ARHGAP6: variants seen among roughly 807,000 people sequenced by gnomAD.
ARHGAP6 encodes the protein rho GTPase-activating protein 6.
ARHGAP6 carries 16 observed loss-of-function variants against 55.7 expected under a neutral mutation model. The ratio of observed to expected loss-of-function variants is 0.29; its 90% CI spans 0.19 to 0.44. The LOEUF (loss-of-function observed/expected upper bound fraction) is 0.44, where lower values mean the gene tolerates loss of function less well. Among genes scored for constraint, ARHGAP6 ranks in the 20% least tolerant of loss-of-function variants. The probability of loss-of-function intolerance (pLI) is 1.00; values close to 1 mark genes in which losing one functional copy is unlikely to be tolerated. For missense variants in ARHGAP6, 698 were observed against 808.9 expected (o/e 0.86, Z 1.66); for synonymous variants, 382 against 360.9 (o/e 1.06, Z -0.66).
intron 1 of ARHGAP6, among the ~76,000 whole-genome samples, chrX:11,319,781 C>T (rs1196547340): frequency 8.9e-6 from 1 of 112,281 alleles, no homozygotes; most frequent in African/African-American, 3.2e-5. Context: ...TTGGTTTTCA[C>T]TGCCTTTGGC....
intron 1 of ARHGAP6, among the ~76,000 whole-genome samples, chrX:11,413,277 C>T (rs1369956296): frequency 2.7e-5 from 3 of 112,242 alleles, no homozygotes; most frequent in African/African-American, 9.7e-5. Context: ...TTAGAAGACA[C>T]CAAGGTGACA....
intron 1 of ARHGAP6, among the ~76,000 whole-genome samples, chrX:11,314,289 C>A (rs1389067070): frequency 9.0e-6 from 1 of 111,604 alleles, no homozygotes. Flanking sequence ...GGATCCTCTG[C>A]CCTGTAATCA....
chrX:11,657,259 G>A (rs2052648844), intron 1 of ARHGAP6, among the ~76,000 whole-genome samples: 1 of 101,120 alleles, frequency 9.9e-6, no homozygotes, highest in Admixed American at 1.1e-4. Flanking sequence ...AGGAGAAACT[G>A]AAGGCAGGGT....
At position 11,449,821 on chromosome X, in the gene ARHGAP6, C is replaced by T. The variant is rs59214230; in HGVS notation, c.589-195114G>A. Among the ~76,000 whole-genome samples, 732 of 111,813 alleles carry T rather than the reference C, an allele frequency of 6.5e-3. 5 individuals are homozygous for T. The highest frequency in any genetic ancestry group is 0.022 in the African/African-American group (687 of 30,754). Reference sequence around the variant, plus strand: ...GCTGACTGGCATCAGTGATCATAGGCGCCTTAGGCAAAACTGGGAGTAAAC... The same window carrying T: ...GCTGACTGGCATCAGTGATCATAGGTGCCTTAGGCAAAACTGGGAGTAAAC... On this transcript the variant is annotated intron_variant, in intron 1 of 12. Transcript: ENST00000337414.
chrX:11,307,335 G>T (rs982175298), intron 1 of ARHGAP6, among the ~76,000 whole-genome samples: 1 of 110,596 alleles, frequency 9.0e-6, no homozygotes, highest in Non-Finnish European at 1.9e-5. Context: ...TAATTGGCTT[G>T]CATACTCTCT....
At chrX:11,493,771 G>A (rs2050595040) in intron 1 of ARHGAP6, among the ~76,000 whole-genome samples, 2 of 108,673 alleles carry the variant, frequency 1.8e-5, no homozygotes, top group Admixed American at 2.0e-4. Flanking sequence ...AAAATATTTC[G>A]TAAAAATTCC....
Position 11,196,998 on chromosome X carries a change from T to A in ARHGAP6, c.749-2A>T. 1.1e-6 allele frequency: 1 copy of A among 946,069 alleles called. No homozygotes were observed. The highest frequency in any genetic ancestry group is 1.5e-6 in the Non-Finnish European group (1 of 657,401). 78.0% of individuals were successfully genotyped at this position (946,069 alleles called of 1,213,427 possible). ...AAGATTTCTTTCTCTTTTGTCCATC[T>A]GTAAATATTAAAAGGAGAAGTTATA... On this transcript the variant is annotated splice_acceptor_variant, in intron 2 of 12. Transcript: ENST00000337414. LOFTEE classifies it high-confidence loss of function.
chrX:11,564,862 A>G (rs758028347), intron 1 of ARHGAP6, among the ~76,000 whole-genome samples: 1 of 111,824 alleles, frequency 8.9e-6, no homozygotes, highest in Non-Finnish European at 1.9e-5. Context: ...CTCATGCCCT[A>G]CAGGACTGGC....
At chrX:11,375,391 C>CTTG (rs1273954750) in intron 1 of ARHGAP6, among the ~76,000 whole-genome samples, 2 of 111,886 alleles carry the variant, frequency 1.8e-5, no homozygotes, top group Non-Finnish European at 3.8e-5. Flanking sequence ...ATTTGAAGGG[C>CTTG]TTGTTGTTGT....
In ARHGAP6 at chrX:11,640,003, C is replaced by G. The variant is rs763380002; in HGVS notation, c.588+24238G>C. Among the ~76,000 whole-genome samples, 3 of 111,205 alleles carry G rather than the reference C, an allele frequency of 2.7e-5. No individual in the cohort carries two copies. In the East Asian group the frequency reaches 8.5e-4, roughly 31 times the overall value. On this transcript the variant is annotated intron_variant, in intron 1 of 12. Transcript: ENST00000337414. ...GTCATGCTACAGCTATGATTTTGTG[C>G]CAGAAAAAAAGTACATGTTTAGATG...
chrX:11,568,021 G>A (rs1207158740), intron 1 of ARHGAP6, among the ~76,000 whole-genome samples: 3 of 111,594 alleles, frequency 2.7e-5, no homozygotes, highest in Non-Finnish European at 5.6e-5. Context: ...AATTCCCACT[G>A]TTAGAAGAAA....
At chrX:11,330,291 G>A (rs902259962) in intron 1 of ARHGAP6, among the ~76,000 whole-genome samples, 1 of 112,623 alleles carries the variant, frequency 8.9e-6, no homozygotes, top group Non-Finnish European at 1.9e-5. Context: ...ATTACAGAGA[G>A]TAAATTTCAA....
intron 1 of ARHGAP6, among the ~76,000 whole-genome samples, chrX:11,502,344 G>A (rs1438047076): frequency 8.9e-6 from 1 of 112,290 alleles, no homozygotes; most frequent in Admixed American, 9.4e-5. Flanking sequence ...GATAATGCCT[G>A]GAAAAGGAGG....
intron 1 of ARHGAP6, among the ~76,000 whole-genome samples, chrX:11,527,008 A>AGG (rs1569383422): frequency 1.5e-5 from 1 of 66,183 alleles, no homozygotes; most frequent in Admixed American, 1.8e-4. Flanking sequence ...TGCTAATATG[A>AGG]GGAGTGTGTG....
At chrX:11,654,239 A>C (rs2052615177) in intron 1 of ARHGAP6, among the ~76,000 whole-genome samples, 1 of 111,271 alleles carries the variant, frequency 9.0e-6, no homozygotes, top group Non-Finnish European at 1.9e-5. Flanking sequence ...TGTTTTTCAA[A>C]CCCCTGAGAG....
intron 1 of ARHGAP6, among the ~76,000 whole-genome samples, chrX:11,386,213 T>A (rs1233216112): frequency 3.5e-5 from 4 of 113,114 alleles, no homozygotes; most frequent in African/African-American, 1.3e-4. Flanking sequence ...CTTTTTGCAA[T>A]GACTCAGATA....
chrX:11,653,796 G>A (rs1251708143), intron 1 of ARHGAP6, among the ~76,000 whole-genome samples: 1 of 111,813 alleles, frequency 8.9e-6, no homozygotes, highest in Non-Finnish European at 1.9e-5. Flanking sequence ...TCAGAGTCTA[G>A]CTGAACCGAT....
At position 11,162,333 on chromosome X, in the gene ARHGAP6, GCC is replaced by G. The variant is rs143136866; in HGVS notation, c.1810-5709_1810-5708del. Among the ~76,000 whole-genome samples, 68 of 78,164 alleles carry G rather than the reference GCC, an allele frequency of 8.7e-4. 1 individual carries two copies. Among genetic ancestry groups the G allele is most frequent in the Admixed American group, 3.0e-3 (19 of 6,339 alleles). 67.9% of individuals were successfully genotyped at this position (78,164 alleles called of 115,157 possible). ...AGTGCTACCCAGCTACTGAAACTGTGCCCCCCCCCCCATATTTACTGTGTCAC... is the reference window on the plus strand; with the variant it reads ...AGTGCTACCCAGCTACTGAAACTGTGCCCCCCCCCATATTTACTGTGTCAC... On this transcript the variant is annotated intron_variant, in intron 9 of 12. Coordinates refer to ENST00000337414, the MANE Select transcript of ARHGAP6 (RefSeq NM_013427.3).
intron 1 of ARHGAP6, among the ~76,000 whole-genome samples, chrX:11,443,435 GA>G (rs1438237520): frequency 1.8e-5 from 2 of 112,026 alleles, no homozygotes; most frequent in Non-Finnish European, 3.8e-5. Context: ...CTCCATCACA[GA>G]GGGGGACATA....
Sources: allele counts gnomAD v4.1 joint callset (sites outside exome capture counted in the v4.1 genomes callset), GRCh38; gene constraint gnomAD v4.1.1; transcripts MANE v1.5; gene names NCBI Gene and HGNC (gene_info 2026-07-23, HGNC 2026-07-21).